PRKAG2: variants seen among roughly 807,000 people sequenced by gnomAD.
PRKAG2 encodes the protein protein kinase AMP-activated non-catalytic subunit gamma 2.
PRKAG2 carries 26 observed loss-of-function variants against 69.6 expected under a neutral mutation model. That is an observed-to-expected ratio of 0.37 (90% CI 0.27 to 0.52). The LOEUF is 0.52. Among genes scored for constraint, PRKAG2 ranks in the 20% least tolerant of loss-of-function variants. The probability of loss-of-function intolerance (pLI) is 0.90; values close to 1 mark genes in which losing one functional copy is unlikely to be tolerated. For missense variants in PRKAG2, 557 were observed against 740.0 expected (o/e 0.75, Z 2.87); for synonymous variants, 293 against 285.0 (o/e 1.03, Z -0.28).
Position 151,567,172 on chromosome 7 carries a change from G to A in PRKAG2, c.1234-1287C>T, listed in dbSNP as rs1806450145. Among the ~76,000 whole-genome samples, 1 of 152,146 alleles carries A rather than the reference G, an allele frequency of 6.6e-6. No homozygotes were observed. Among genetic ancestry groups the A allele is most frequent in the Admixed American group, 6.5e-5 (1 of 15,276 alleles). ...CACATGACTGGGGGCACGTTTCCCA[G>A]CCAGGTGTCCTGTGTATGCAAGGTA... On this transcript the variant is annotated intron_variant, in intron 11 of 15. Coordinates refer to ENST00000287878, the MANE Select transcript of PRKAG2 (RefSeq NM_016203.4). The surrounding 1 kb of genome is among the most constrained non-coding windows in gnomAD (Gnocchi z 4.2).
rs1265896243 is a variant in PRKAG2, at chr7:151,566,591, T to C, written c.1234-706A>G. 6.6e-6 allele frequency: 3 copies of C among 452,310 alleles called. No homozygotes were observed. In the Admixed American group the frequency reaches 7.2e-5, roughly 11 times the overall value. The allele number at this position is 452,310 out of a possible 1,614,324, so 28.0% of individuals were successfully genotyped here. On this transcript the variant is annotated intron_variant, in intron 11 of 15. Transcript: ENST00000287878. The stretch of plus-strand genomic sequence containing the variant: ...AATCCACCTTTTATAAAGGGTATAG[T>C]TGATTCCATCCTCCTGGTGTACCTT...
intron 3 of PRKAG2, among the ~76,000 whole-genome samples, chr7:151,743,436 C>T (rs1403128017): frequency 6.6e-6 from 1 of 152,182 alleles, no homozygotes; most frequent in Non-Finnish European, 1.5e-5. Context: ...CAGAGCTCAG[C>T]TCATTCAACG....
intron 1 of PRKAG2, among the ~76,000 whole-genome samples, chr7:151,817,884 A>T (rs2078681739): frequency 6.6e-6 from 1 of 152,154 alleles, no homozygotes; most frequent in African/African-American, 2.4e-5. Context: ...TAACAGGGCC[A>T]CTGTCCCTTT....
chr7:151,623,313 G>A (rs147880641), intron 5 of PRKAG2, among the ~76,000 whole-genome samples: 1,820 of 129,212 alleles, frequency 0.014, 28 homozygotes, highest in African/African-American at 0.048. Context: ...GCAGTGAGCC[G>A]AGATTGCGCC....
At chr7:151,854,347 C>T (rs1028388561) in intron 1 of PRKAG2, among the ~76,000 whole-genome samples, 1 of 152,248 alleles carries the variant, frequency 6.6e-6, no homozygotes, top group Non-Finnish European at 1.5e-5. Flanking sequence ...ACACATAACC[C>T]TTCTGGACTT....
chr7:151,823,479 G>A (rs1199601835), intron 1 of PRKAG2, among the ~76,000 whole-genome samples: 1 of 150,278 alleles, frequency 6.7e-6, no homozygotes, highest in Admixed American at 6.7e-5. Flanking sequence ...ACATGGGCCA[G>A]GCACCGTGGT....
In PRKAG2 at chr7:151,557,106, C is replaced by G; in HGVS notation, c.*95G>C. ...ATACCTATTGTTAAACCCTGATATA[C>G]ATTCTTAACCACTTGCAGCCAGTGT... On this transcript the variant is annotated 3_prime_UTR_variant, in exon 16 of 16. Transcript: ENST00000287878. 1 of 1,573,080 alleles carries G rather than the reference C, an allele frequency of 6.4e-7. No individual in the cohort carries two copies. The highest frequency in any genetic ancestry group is 8.7e-7 in the Non-Finnish European group (1 of 1,143,086).
intron 3 of PRKAG2, among the ~76,000 whole-genome samples, chr7:151,752,956 G>A (rs536427418): frequency 6.6e-6 from 1 of 152,354 alleles, no homozygotes; most frequent in South Asian, 2.1e-4. Context: ...CCACTTCACC[G>A]GAAAGGTGTC....
At chr7:151,864,077 G>C (rs1297356941) in intron 1 of PRKAG2, among the ~76,000 whole-genome samples, 1 of 152,180 alleles carries the variant, frequency 6.6e-6, no homozygotes, top group Non-Finnish European at 1.5e-5. Flanking sequence ...GGAGGTGATA[G>C]AGAATGGAGT....
chr7:151,701,842 C>CAA (rs71533538), intron 3 of PRKAG2, among the ~76,000 whole-genome samples: 31 of 92,494 alleles, frequency 3.4e-4, no homozygotes, highest in East Asian at 1.9e-3. Context: ...GACTCTGTCT[C>CAA]AAAAAAAAAA....
At chr7:151,760,140 A>G (rs76769551) in intron 3 of PRKAG2, among the ~76,000 whole-genome samples, 3,420 of 152,306 alleles carry the variant, frequency 0.022, 98 homozygotes, top group African/African-American at 0.078. Flanking sequence ...AGAAGTGAAT[A>G]TACAGCAGGC....
intron 4 of PRKAG2, among the ~76,000 whole-genome samples, chr7:151,646,839 C>T (rs1185855717): frequency 2.0e-5 from 3 of 152,214 alleles, no homozygotes; most frequent in East Asian, 3.8e-4. Context: ...TTTCAGCTCA[C>T]GTGCACAACC....
intron 1 of PRKAG2, among the ~76,000 whole-genome samples, chr7:151,803,337 T>C (rs564673263): frequency 3.3e-5 from 5 of 152,258 alleles, no homozygotes; most frequent in African/African-American, 1.2e-4. Context: ...ACACTTTGTA[T>C]AGGAATTTAA....
In PRKAG2 at chr7:151,675,462, C is replaced by G. The variant is rs757556996; in HGVS notation, c.642G>C (p.Arg214Ser). 3.7e-6 allele frequency: 6 copies of G among 1,614,164 alleles called. No individual in the cohort carries two copies. In the Admixed American group the frequency reaches 8.3e-5, roughly 22 times the overall value. ...AGTGTGTCGGTGATGCCAGTGGAGG[C>G]CTGGTCGGGCTCTGGAAGGAAGACG... ...FCPSSFQSPTRPPLASPTHYA... is the reference protein window; with the variant it reads ...FCPSSFQSPTSPPLASPTHYA... Residue 214 changes from arginine (R) to serine (S), a missense_variant, in exon 4 of 16, where the codon AGG becomes AGC. Around this residue, in one of 2 missense-constraint regions of PRKAG2, gnomAD observed 352 missense variants for 356.7 expected, o/e 0.99. Transcript: ENST00000287878.
chr7:151,662,967 G>C (rs1224531655), intron 4 of PRKAG2, among the ~76,000 whole-genome samples: 1 of 152,002 alleles, frequency 6.6e-6, no homozygotes, highest in African/African-American at 2.4e-5. Context: ...TTGGATTTGG[G>C]ATTACTTTGG....
intron 4 of PRKAG2, chr7:151,674,810 C>T (rs1441047453): frequency 6.2e-6 from 1 of 162,380 alleles, no homozygotes; most frequent in African/African-American, 2.4e-5. Context: ...TGTAGTATCC[C>T]AAGCAAGGTA....
chr7:151,681,748 GT>G (rs1708622053), intron 3 of PRKAG2, among the ~76,000 whole-genome samples: 1 of 152,092 alleles, frequency 6.6e-6, no homozygotes, highest in Non-Finnish European at 1.5e-5. Context: ...CAGCTCCACT[GT>G]CCTGACTCTA....
intron 13 of PRKAG2, chr7:151,564,463 A>G (rs1805778838): frequency 2.0e-6 from 1 of 492,816 alleles, no homozygotes; most frequent in Admixed American, 3.2e-5. Flanking sequence ...TTACGAAGCA[A>G]CATTGTTAAA....
chr7:151,675,518 A>T lies in PRKAG2; in HGVS notation c.586T>A (p.Ser196Thr), dbSNP rs1585680609. 6.2e-7 allele frequency: 1 copy of T among 1,613,360 alleles called. No homozygotes were observed. Residue 196 changes from serine (S) to threonine (T), a missense_variant, in exon 4 of 16, where the codon TCC becomes ACC. Transcript: ENST00000287878. Reference sequence around the variant, plus strand: ...AACCTCTGCCCTGTGTCCGGGGGGGAAGACGAGGCATAGATGCGATTCTCT... The same window carrying T: ...AACCTCTGCCCTGTGTCCGGGGGGGTAGACGAGGCATAGATGCGATTCTCT... ...RLENRIYASSSPPDTGQRFCP... is the reference protein window; with the variant it reads ...RLENRIYASSTPPDTGQRFCP...
Sources: allele counts gnomAD v4.1 joint callset (sites outside exome capture counted in the v4.1 genomes callset), GRCh38; gene constraint gnomAD v4.1.1; regional missense constraint gnomAD v4.1.1; non-coding constraint Gnocchi (gnomAD v3.1); transcripts MANE v1.5; gene names NCBI Gene and HGNC (gene_info 2026-07-23, HGNC 2026-07-21).